The following DCC variants were observed in gnomAD, a reference collection of about 807,000 sequenced individuals.
DCC encodes the protein netrin receptor DCC.
DCC carries 58 observed loss-of-function variants against 172.5 expected under a neutral mutation model. The ratio of observed to expected loss-of-function variants is 0.34; its 90% CI spans 0.27 to 0.42. The LOEUF is 0.42. Among genes scored for constraint, DCC ranks in the 10% least tolerant of loss-of-function variants. The pLI is 1.00. For missense variants in DCC, 1,740 were observed against 1,791.0 expected (o/e 0.97, Z 0.51); for synonymous variants, 709 against 644.5 (o/e 1.10, Z -1.52).
chr18:52,526,146 A>G (rs979396319), intron 1 of DCC, among the ~76,000 whole-genome samples: 2 of 152,236 alleles, frequency 1.3e-5, no homozygotes, highest in African/African-American at 4.8e-5. Context: ...ACAAAGAAGT[A>G]TCTTTAGACA....
chr18:52,788,803 A>AC (rs879583187), intron 2 of DCC, among the ~76,000 whole-genome samples: 33 of 152,124 alleles, frequency 2.2e-4, no homozygotes, highest in East Asian at 3.9e-4. Context: ...GCAAAGACAG[A>AC]CCCCCCAAAA....
chr18:53,148,695 A>G (rs986391067), intron 7 of DCC, among the ~76,000 whole-genome samples: 1 of 152,118 alleles, frequency 6.6e-6, no homozygotes, highest in African/African-American at 2.4e-5. Context: ...ATATGGAACA[A>G]TACAATTTTT....
chr18:52,489,569 A>G (rs981523483), intron 1 of DCC, among the ~76,000 whole-genome samples: 3 of 151,996 alleles, frequency 2.0e-5, no homozygotes, highest in African/African-American at 7.3e-5. Context: ...TGGAGAGGGG[A>G]AGCAATAATT....
intron 7 of DCC, among the ~76,000 whole-genome samples, chr18:53,130,457 A>G (rs568175978): frequency 6.1e-4 from 93 of 152,236 alleles, no homozygotes; most frequent in Non-Finnish European, 1.1e-3. Flanking sequence ...TTGCCGTCTC[A>G]AAACTCTGTC....
chr18:52,619,973 T>C (rs1395723433), intron 1 of DCC, among the ~76,000 whole-genome samples: 2 of 152,164 alleles, frequency 1.3e-5, no homozygotes, highest in Non-Finnish European at 1.5e-5. Flanking sequence ...TTCTAGAAAC[T>C]TGATGGCTTA....
chr18:53,071,471 A>G (rs1283555941), intron 7 of DCC, among the ~76,000 whole-genome samples: 1 of 152,224 alleles, frequency 6.6e-6, no homozygotes, highest in Non-Finnish European at 1.5e-5. Context: ...CATAAGTAAC[A>G]TAATGCCATA....
At chr18:53,504,776 G>A (rs1272682032) in intron 27 of DCC, among the ~76,000 whole-genome samples, 1 of 152,188 alleles carries the variant, frequency 6.6e-6, no homozygotes, top group Non-Finnish European at 1.5e-5. Flanking sequence ...ATAATTTCTA[G>A]AAGAGTCATT....
intron 1 of DCC, among the ~76,000 whole-genome samples, chr18:52,389,801 A>G (rs2144345869): frequency 6.6e-6 from 1 of 152,216 alleles, no homozygotes; most frequent in Admixed American, 6.6e-5. Context: ...TTATTTTACA[A>G]GGACAGCGAG....
At chr18:53,282,820 A>G (rs925333808) in intron 12 of DCC, among the ~76,000 whole-genome samples, 4 of 152,182 alleles carry the variant, frequency 2.6e-5, no homozygotes, top group Non-Finnish European at 5.9e-5. Flanking sequence ...GGAGTGAAAA[A>G]GACTTCTAAT....
At chr18:52,738,831 C>T (rs1248752984) in intron 1 of DCC, among the ~76,000 whole-genome samples, 1 of 149,872 alleles carries the variant, frequency 6.7e-6, no homozygotes, top group Non-Finnish European at 1.5e-5. Flanking sequence ...CCTCAACCTC[C>T]TGGGCTCAAG....
intron 5 of DCC, among the ~76,000 whole-genome samples, chr18:53,056,126 G>T (rs1211876340): frequency 6.6e-6 from 1 of 152,088 alleles, no homozygotes. Flanking sequence ...ATAAAGAAAA[G>T]AATGTTTAAT....
At chr18:53,269,091 C>T (rs1006615719) in intron 12 of DCC, among the ~76,000 whole-genome samples, 25 of 149,432 alleles carry the variant, frequency 1.7e-4, no homozygotes, top group African/African-American at 2.4e-4. Flanking sequence ...GATGTGTGTG[C>T]GTGTGTGTGT....
At chr18:52,843,860 G>A (rs2038844467) in intron 2 of DCC, among the ~76,000 whole-genome samples, 1 of 152,112 alleles carries the variant, frequency 6.6e-6, no homozygotes, top group South Asian at 2.1e-4. Flanking sequence ...GAAAAGAACA[G>A]GAAATATGTA....
chr18:53,495,735 C>T lies in DCC; in HGVS notation c.3899-3563C>T, dbSNP rs568366099. Reference sequence around the variant, plus strand: ...TCTTCCAACTTGGTTCCATTCTCCCCGTCACTTTCAGGTACACCAATCAGA... The same window carrying T: ...TCTTCCAACTTGGTTCCATTCTCCCTGTCACTTTCAGGTACACCAATCAGA... On this transcript the variant is annotated intron_variant, in intron 26 of 28. Transcript: ENST00000442544. Among the ~76,000 whole-genome samples the T allele has an allele frequency of 4.6e-5, 7 of 152,268 alleles. No homozygotes were observed. The South Asian group carries it at 6.2e-4, about 14-fold the overall frequency.
At chr18:52,809,107 G>A (rs899097130) in intron 2 of DCC, among the ~76,000 whole-genome samples, 3 of 152,136 alleles carry the variant, frequency 2.0e-5, no homozygotes, top group Admixed American at 6.5e-5. Context: ...ACAGGTTTGG[G>A]TGCAGCAGGG....
intron 22 of DCC, 45 bp downstream of exon 22, chr18:53,435,254 A>T (rs1233478036): frequency 1.5e-6 from 2 of 1,306,728 alleles, no homozygotes; most frequent in South Asian, 2.4e-5. Context: ...ATATTAATTA[A>T]ATGGTTAATT....
At chr18:53,498,357 A>T (rs2046051354) in intron 26 of DCC, among the ~76,000 whole-genome samples, 1 of 152,194 alleles carries the variant, frequency 6.6e-6, no homozygotes, top group Non-Finnish European at 1.5e-5. Context: ...GTTTTGATTT[A>T]TCTGACAAAA....
intron 5 of DCC, among the ~76,000 whole-genome samples, chr18:52,937,569 G>A (rs988069005): frequency 6.6e-6 from 1 of 152,088 alleles, no homozygotes; most frequent in Non-Finnish European, 1.5e-5. Context: ...AGGTGCAGTG[G>A]CGTGATCTCT....
intron 2 of DCC, among the ~76,000 whole-genome samples, chr18:52,807,932 A>G (rs989791435): frequency 3.3e-5 from 5 of 152,212 alleles, no homozygotes; most frequent in Non-Finnish European, 5.9e-5. Context: ...CGTTTGGTCC[A>G]GGGAACTGAA....
Sources: allele counts gnomAD v4.1 joint callset (sites outside exome capture counted in the v4.1 genomes callset), GRCh38; gene constraint gnomAD v4.1.1; transcripts MANE v1.5; gene names NCBI Gene and HGNC (gene_info 2026-07-23, HGNC 2026-07-21).